Variants in TMCO4 observed in about 807,000 individuals in gnomAD.
TMCO4 encodes the protein transmembrane and coiled-coil domain-containing protein 4.
A neutral mutation model predicts 64.7 loss-of-function variants in TMCO4; 58 were observed. The observed-to-expected ratio is 0.90, with a 90% CI of 0.73 to 1.12. The LOEUF (loss-of-function observed/expected upper bound fraction) is 1.12. TMCO4 is among the 50% of genes most tolerant of loss of function. TMCO4 has a pLI of 0.00. For missense variants in TMCO4, 780 were observed against 825.9 expected, an observed-to-expected ratio of 0.94 and a Z score of 0.68; for synonymous variants, 325 against 346.1, an observed-to-expected ratio of 0.94 and a Z score of 0.68.
At chr1:19,780,359 C>A (rs1259313034) in intron 4 of TMCO4, among the ~76,000 whole-genome samples, 3 of 152,196 alleles carry the variant, frequency 2.0e-5, no homozygotes, top group African/African-American at 7.2e-5. Flanking sequence ...CAGTAATTCT[C>A]ATTCACCCAC....
At chr1:19,799,754 G>A (rs2044511538) in intron 1 of TMCO4, 101 bp downstream of exon 1, 1 of 152,134 alleles carries the variant, frequency 6.6e-6, no homozygotes, top group African/African-American at 2.4e-5. Context: ...AAGGGCCCCG[G>A]GGCTGGGCCG....
At chr1:19,697,166 TC>T (rs2095242412) in intron 14 of TMCO4, among the ~76,000 whole-genome samples, 1 of 152,214 alleles carries the variant, frequency 6.6e-6, no homozygotes, top group South Asian at 2.1e-4. Context: ...AGTCTGTGCT[TC>T]CGGTCTCTGA....
intron 4 of TMCO4, among the ~76,000 whole-genome samples, chr1:19,779,809 G>A (rs568500138): frequency 1.3e-5 from 2 of 152,214 alleles, no homozygotes; most frequent in Non-Finnish European, 2.9e-5. Flanking sequence ...TATCTTATCC[G>A]TTCCTGGACG....
At chr1:19,748,076 G>A (rs989502700) in intron 7 of TMCO4, among the ~76,000 whole-genome samples, 3 of 152,180 alleles carry the variant, frequency 2.0e-5, no homozygotes, top group Non-Finnish European at 2.9e-5. Context: ...CACTTCACAG[G>A]ATTAATCTTA....
rs895975073 is a variant in TMCO4 at position 19,732,033 on chromosome 1, G to A, written c.1264+5339C>T. Among the ~76,000 whole-genome samples, 2 of 152,256 alleles carry A rather than the reference G, an allele frequency of 1.3e-5. No homozygotes were observed. The highest frequency in any genetic ancestry group is 4.8e-5 in the African/African-American group (2 of 41,468). ...GCTGCTGTGAAGGCCGGCATGGACA[G>A]CGGGGGTTTTAAACTGAGCGGGGCC... On this transcript the variant is annotated intron_variant, in intron 13 of 15. Transcript: ENST00000294543. The surrounding 1 kb of genome is among the most constrained non-coding windows in gnomAD (Gnocchi z 4.8).
At chr1:19,733,700 G>A (rs1458168906) in intron 13 of TMCO4, among the ~76,000 whole-genome samples, 1 of 152,172 alleles carries the variant, frequency 6.6e-6, no homozygotes, top group Non-Finnish European at 1.5e-5. Context: ...ACAATTACTG[G>A]TAGACTGGAA....
intron 3 of TMCO4, among the ~76,000 whole-genome samples, chr1:19,781,324 G>T (rs1320798450): frequency 6.6e-6 from 1 of 151,806 alleles, no homozygotes; most frequent in Non-Finnish European, 1.5e-5. Flanking sequence ...ATAATTAGCT[G>T]GGCATGGTGG....
intron 13 of TMCO4, among the ~76,000 whole-genome samples, chr1:19,727,254 GCAGA>G (rs1046563411): frequency 2.7e-4 from 41 of 152,330 alleles, no homozygotes; most frequent in African/African-American, 9.1e-4. Context: ...GACAGGACGT[GCAGA>G]CAAAGGGATG....
chr1:19,723,121 G>A (rs555620881), intron 13 of TMCO4, among the ~76,000 whole-genome samples: 3 of 152,330 alleles, frequency 2.0e-5, no homozygotes, highest in South Asian at 4.1e-4. Flanking sequence ...TCTGAAATGC[G>A]TGGGACCAGA....
At chr1:19,758,833 G>T (rs904460974) in intron 6 of TMCO4, among the ~76,000 whole-genome samples, 9 of 152,122 alleles carry the variant, frequency 5.9e-5, no homozygotes, top group Admixed American at 3.3e-4. Context: ...GGTGGCTCAT[G>T]CCTGTGCCTG....
intron 3 of TMCO4, among the ~76,000 whole-genome samples, chr1:19,784,944 G>A (rs1357957968): frequency 6.6e-6 from 1 of 152,080 alleles, no homozygotes; most frequent in African/African-American, 2.4e-5. Flanking sequence ...GCTGTCCTGG[G>A]CTATATGTGG....
At chr1:19,751,201 A>C (rs2042006774) in intron 7 of TMCO4, among the ~76,000 whole-genome samples, 1 of 152,202 alleles carries the variant, frequency 6.6e-6, no homozygotes, top group Non-Finnish European at 1.5e-5. Flanking sequence ...TAATTATTCC[A>C]ACAAGAATTG....
intron 6 of TMCO4, among the ~76,000 whole-genome samples, chr1:19,763,545 C>G (rs186402059): frequency 1.2e-4 from 19 of 152,294 alleles, no homozygotes; most frequent in Non-Finnish European, 2.5e-4. Context: ...AAGCCACTCT[C>G]TGAGCCAGGG....
At chr1:19,687,979 G>C (rs1402933468) in intron 15 of TMCO4, among the ~76,000 whole-genome samples, 1 of 152,150 alleles carries the variant, frequency 6.6e-6, no homozygotes, top group East Asian at 1.9e-4. Flanking sequence ...TGAGAGAAGA[G>C]GGGTGAGGCA....
intron 6 of TMCO4, among the ~76,000 whole-genome samples, chr1:19,757,483 T>G (rs2042318903): frequency 6.6e-6 from 1 of 152,156 alleles, no homozygotes; most frequent in Non-Finnish European, 1.5e-5. Flanking sequence ...CATCCCAAGA[T>G]TCTTAATGTA....
At chr1:19,799,542 G>A (rs571185259) in intron 1 of TMCO4, among the ~76,000 whole-genome samples, 2 of 152,342 alleles carry the variant, frequency 1.3e-5, no homozygotes, top group African/African-American at 4.8e-5. Flanking sequence ...GAACTCGGAG[G>A]CCGAGGCCGG....
At position 19,745,589 on chromosome 1, in the gene TMCO4, C is replaced by T. The variant is rs35760408; in HGVS notation, c.820G>A (p.Gly274Ser). The change falls in exon 10 of 16, where the codon GGC (glycine) becomes AGC (serine). Residue 274 changes from glycine (G) to serine (S), a missense_variant. Transcript: ENST00000294543. ...GCGATGGTGATGTGCAGCTGCCTGCCCTCCGTCAGAGGCAGAAACGTGAAC... is the reference window on the plus strand; with the variant it reads ...GCGATGGTGATGTGCAGCTGCCTGCTCTCCGTCAGAGGCAGAAACGTGAAC... Reference protein sequence around the residue: ...EEFTFLPLTEGRQLHITIAVT... With the variant: ...EEFTFLPLTESRQLHITIAVT... 0.024 allele frequency: 38,141 copies of T among 1,614,088 alleles called. 664 individuals are homozygous for T. Among genetic ancestry groups the T allele is most frequent in the East Asian group, 0.077 (3,433 of 44,868 alleles).
At chr1:19,797,141 C>T (rs918392925) in intron 2 of TMCO4, among the ~76,000 whole-genome samples, 2 of 152,092 alleles carry the variant, frequency 1.3e-5, no homozygotes, top group East Asian at 3.9e-4. Flanking sequence ...CTCAAGAGGG[C>T]CTCCCTATAG....
In TMCO4 at chr1:19,743,615, G is replaced by A. The variant is rs1199920913; in HGVS notation, c.877+1917C>T. ...CTTGACCTTTAACCCGGGGCAAACT[G>A]AACAAATAGGGGCAAACTGAACAAG... is the stretch of plus-strand genomic sequence containing the variant. On this transcript the variant is annotated intron_variant, in intron 10 of 15. Coordinates refer to ENST00000294543, the MANE Select transcript of TMCO4 (RefSeq NM_181719.7). The surrounding 1 kb of genome is among the most constrained non-coding windows in gnomAD (Gnocchi z 4.1). Among the ~76,000 whole-genome samples the A allele has an allele frequency of 6.6e-6, 1 of 152,134 alleles. No individual in the cohort carries two copies. Among genetic ancestry groups the A allele is most frequent in the East Asian group, 1.9e-4 (1 of 5,194 alleles).
Sources: allele counts gnomAD v4.1 joint callset (sites outside exome capture counted in the v4.1 genomes callset), GRCh38; gene constraint gnomAD v4.1.1; non-coding constraint Gnocchi (gnomAD v3.1); transcripts MANE v1.5; gene names NCBI Gene and HGNC (gene_info 2026-07-23, HGNC 2026-07-21).